The following GIT2 variants were observed in gnomAD, a reference collection of about 807,000 sequenced individuals.
GIT2 encodes ARF GTPase-activating protein GIT2.
A neutral mutation model predicts 100.3 loss-of-function variants in GIT2; 32 were observed. The observed-to-expected ratio is 0.32, with a 90% CI of 0.24 to 0.43. The LOEUF (loss-of-function observed/expected upper bound fraction) is 0.43. Ranked by LOEUF, GIT2 falls within the 20% of genes least tolerant of loss-of-function variation. GIT2 has a pLI of 1.00. For missense variants in GIT2, 737 were observed against 975.1 expected, an observed-to-expected ratio of 0.76 and a Z score of 3.25; for synonymous variants, 353 against 364.1, an observed-to-expected ratio of 0.97 and a Z score of 0.35.
chr12:109,954,750 T>C (rs904790165), intron 12 of GIT2, among the ~76,000 whole-genome samples: 2 of 151,752 alleles, frequency 1.3e-5, no homozygotes, highest in African/African-American at 4.8e-5. Context: ...AATACAAAAA[T>C]TAGCTGGGCG....
At chr12:109,939,126 G>A (rs1873869623) in intron 17 of GIT2, 39 bp downstream of exon 17, 2 of 1,266,126 alleles carry the variant, frequency 1.6e-6, no homozygotes, top group Non-Finnish European at 1.2e-6. Context: ...TCTGGCCCTG[G>A]GGAGCCCCTC....
chr12:109,965,087 T>G (rs3922879), intron 9 of GIT2, among the ~76,000 whole-genome samples: 43,350 of 151,680 alleles, frequency 0.29, 9,381 homozygotes, highest in African/African-American at 0.61. Flanking sequence ...GGGAAAGAGG[T>G]TTACAATATG....
Position 109,967,503 on chromosome 12 carries a change from T to C in GIT2, c.719A>G (p.Asp240Gly). Residue 240 changes from aspartate to glycine, a missense_variant and splice_region_variant, in exon 8 of 20, where the codon GAT (aspartate) becomes GGT (glycine). Transcript: ENST00000355312. ...LAFYLCGRKP[D>G]HKNGQHFIIP... ...TATAAAGTGCTGTCCATTTTTGTGA[T>C]CTGAAACAGAAACCAAGTCAAAGTT... The C allele has an allele frequency of 6.3e-7, 1 of 1,595,692 alleles. No homozygotes were observed. The highest frequency in any genetic ancestry group is 8.6e-7 in the Non-Finnish European group (1 of 1,163,330).
chr12:109,988,927 C>T (rs376353662), intron 4 of GIT2, 36 bp downstream of exon 4: 9 of 1,152,114 alleles, frequency 7.8e-6, no homozygotes, highest in African/African-American at 1.5e-5. Flanking sequence ...GCTGTCTCAG[C>T]CCGCTCTTTT....
At chr12:109,970,260 G>A (rs186030496) in intron 7 of GIT2, among the ~76,000 whole-genome samples, 5 of 152,202 alleles carry the variant, frequency 3.3e-5, no homozygotes, top group African/African-American at 7.2e-5. Flanking sequence ...TTGGGAGGCC[G>A]ATGCGGGCAG....
Position 109,980,496 on chromosome 12 carries a change from A to AT in GIT2, c.718+455dup, listed in dbSNP as rs1171735813. On this transcript the variant is annotated intron_variant, in intron 7 of 19. Transcript: ENST00000355312. The stretch of plus-strand genomic sequence containing the variant: ...TTTAATAAAACAAGTAACTGGCTAG[A>AT]TTTGGGCTACAAACCATGGTTTGCT... 3.9e-5 allele frequency among the ~76,000 whole-genome samples: 6 copies of AT among 152,324 alleles called. No individual in the cohort carries two copies. In the East Asian group the frequency reaches 1.2e-3, roughly 29 times the overall value.
At chr12:109,955,438 T>G (rs1879162488) in intron 12 of GIT2, among the ~76,000 whole-genome samples, 1 of 152,194 alleles carries the variant, frequency 6.6e-6, no homozygotes, top group Non-Finnish European at 1.5e-5. Context: ...TTGGTAGTTA[T>G]GTTCTAAAAA....
Position 109,933,971 on chromosome 12 carries a change from C to A in GIT2, c.2067+51G>T, listed in dbSNP as rs1872298057. On this transcript the variant is annotated intron_variant, in intron 19 of 19. Transcript: ENST00000355312. This position sits in a 1 kb window ranked among gnomAD's most constrained non-coding sequence, Gnocchi z 4.5. Reference sequence around the variant, plus strand: ...TAATATATAGGTCATAAAGAAATTTCTTGCTGTTCATTTAAAAGGATTTAA... The same window carrying A: ...TAATATATAGGTCATAAAGAAATTTATTGCTGTTCATTTAAAAGGATTTAA... 4 of 965,684 alleles carry A rather than the reference C, an allele frequency of 4.1e-6. No individual in the cohort carries two copies. The East Asian group carries it at 9.5e-5, about 23-fold the overall frequency. The allele number at this position is 965,684 out of a possible 1,614,324, so 59.8% of individuals were successfully genotyped here. A position where few individuals can be genotyped will look rare whatever the true frequency, so the allele number is the denominator to read the frequency against.
At chr12:109,952,373 G>A (rs1472510616) in intron 13 of GIT2, among the ~76,000 whole-genome samples, 2 of 151,940 alleles carry the variant, frequency 1.3e-5, no homozygotes, top group Non-Finnish European at 2.9e-5. Flanking sequence ...TCCTAGCATG[G>A]GTCCTTAGGT....
In GIT2 at chr12:109,948,787, T is replaced by G; in HGVS notation, c.1393-1283A>C. ...AATTTTTATTTAGAAAGCACCAATC[T>G]GTGAAAAATACACCAATAGTAGTTG... On this transcript the variant is annotated intron_variant, in intron 14 of 19. Coordinates refer to ENST00000355312, the MANE Select transcript of GIT2 (RefSeq NM_057169.5). The surrounding 1 kb of genome is among the most constrained non-coding windows in gnomAD (Gnocchi z 4.3). 2 of 1,591,776 alleles carry G rather than the reference T, an allele frequency of 1.3e-6. No individual in the cohort carries two copies. Among genetic ancestry groups the G allele is most frequent in the Non-Finnish European group, 8.5e-7 (1 of 1,173,126 alleles).
intron 14 of GIT2, among the ~76,000 whole-genome samples, chr12:109,949,955 T>C (rs1454106333): frequency 6.6e-6 from 1 of 152,212 alleles, no homozygotes; most frequent in Non-Finnish European, 1.5e-5. Flanking sequence ...TCTCGGTCTG[T>C]CTCGTTTACA....
chr12:109,930,950 C>A lies in GIT2; in HGVS notation c.*2028G>T, dbSNP rs1387260978. On this transcript the variant is annotated 3_prime_UTR_variant, in exon 20 of 20. Coordinates refer to ENST00000355312, the MANE Select transcript of GIT2 (RefSeq NM_057169.5). ...CTTCTAGAAGGCATCCCGGGAGCAT[C>A]CAACAGCAATGTGGCACTTAGGGCT... The A allele has an allele frequency of 1.3e-5, 2 of 152,184 alleles. No individual in the cohort carries two copies. Among genetic ancestry groups the A allele is most frequent in the Non-Finnish European group, 2.9e-5 (2 of 68,052 alleles). 9.4% of individuals were successfully genotyped at this position (152,184 alleles called of 1,614,324 possible). A position where few individuals can be genotyped will look rare whatever the true frequency, so the allele number is the denominator to read the frequency against.
rs772681163 is a variant in GIT2, at chr12:109,947,447, A to G, written c.1450T>C (p.Tyr484His). 2 of 1,613,488 alleles carry G rather than the reference A, an allele frequency of 1.2e-6. No individual in the cohort carries two copies. Among genetic ancestry groups the G allele is most frequent in the African/African-American group, 2.7e-5 (2 of 75,028 alleles). The change falls in exon 15 of 20, where the codon TAT becomes CAT. Residue 484 changes from tyrosine to histidine, a missense_variant. Tyr to His is a moderately conservative substitution (Grantham distance 83). This residue lies in a region of GIT2 where 451 missense variants were observed against 543.7 expected (regional missense o/e 0.83). Coordinates refer to ENST00000355312, the MANE Select transcript of GIT2 (RefSeq NM_057169.5). The surrounding 1 kb of genome is among the most constrained non-coding windows in gnomAD (Gnocchi z 4.3). ...TACTCAGAACCAGTTTGCACCTGAT[A>G]TACATTGGTTGTGGCCTGTTTCCTG... ...NLRKQATTNV[Y>H]QVQTGSEYTD...
chr12:109,932,980 A>G lies in GIT2; in HGVS notation c.2278T>C (p.Ter760ArgextTer11). The part of the protein sequence containing the change: ...VTITTKENNN[*>R] ...GAGGAGGCGGTGCCCTGCCCTTGTCAGTTGTTGTTCTCTTTGGTGGTGATG... is the reference window on the plus strand; with the variant it reads ...GAGGAGGCGGTGCCCTGCCCTTGTCGGTTGTTGTTCTCTTTGGTGGTGATG... Residue 760 changes from the stop codon to arginine, a stop_lost, in exon 20 of 20, where the codon TGA (stop) becomes CGA (arginine). Coordinates refer to ENST00000355312, the MANE Select transcript of GIT2 (RefSeq NM_057169.5). 1 of 1,590,066 alleles carries G rather than the reference A, an allele frequency of 6.3e-7. No homozygotes were observed. The highest frequency in any genetic ancestry group is 8.6e-7 in the Non-Finnish European group (1 of 1,158,672).
intron 1 of GIT2, among the ~76,000 whole-genome samples, chr12:109,995,727 C>T (rs1889235794): frequency 6.6e-6 from 1 of 152,212 alleles, no homozygotes; most frequent in Non-Finnish European, 1.5e-5. Flanking sequence ...CGGGGACCCT[C>T]TGGCGAGTCT....
At position 109,960,574 on chromosome 12, in the gene GIT2, C is replaced by G. The variant is rs185275082; in HGVS notation, c.988-616G>C. On this transcript the variant is annotated intron_variant, in intron 11 of 19. Transcript: ENST00000355312. ...CTAGCCTGGACAACAGAGCAAGACT[C>G]CGTCTCAAAAGAAAAAAAAAATTTA... Among the ~76,000 whole-genome samples, 251 of 152,182 alleles carry G rather than the reference C, an allele frequency of 1.6e-3. 1 individual carries two copies. Among genetic ancestry groups the G allele is most frequent in the Non-Finnish European group, 1.5e-3 (100 of 68,000 alleles).
chr12:109,961,798 C>T (rs944272100), intron 9 of GIT2, 113 bp from the exon 10 acceptor site: 6 of 718,862 alleles, frequency 8.3e-6, no homozygotes, highest in Middle Eastern at 2.3e-4. Context: ...AATGCCAGTG[C>T]TTGGTACATA....
chr12:109,944,203 G>A (rs554946133), intron 16 of GIT2, among the ~76,000 whole-genome samples: 2 of 152,214 alleles, frequency 1.3e-5, no homozygotes, highest in Admixed American at 1.3e-4. Flanking sequence ...ATAAAAAAAC[G>A]AATCCTGAAA....
At position 109,967,460 on chromosome 12, in the gene GIT2, G is replaced by C; in HGVS notation, c.762C>G (p.Asp254Glu). 6.3e-7 allele frequency: 1 copy of C among 1,593,062 alleles called. No homozygotes were observed. Among genetic ancestry groups the C allele is most frequent in the Non-Finnish European group, 8.6e-7 (1 of 1,160,948 alleles). Residue 254 changes from aspartate to glutamate, a missense_variant and splice_region_variant, in exon 8 of 20, where the codon GAC (aspartate) becomes GAG (glutamate). Around this residue, in one of 3 missense-constraint regions of GIT2, gnomAD observed 266 missense variants for 376.2 expected, o/e 0.71. Coordinates refer to ENST00000355312, the MANE Select transcript of GIT2 (RefSeq NM_057169.5). ...GQHFIIPQMADSSLDLSELAK... is the reference protein window; with the variant it reads ...GQHFIIPQMAESSLDLSELAK... ...AACTGGTATTTCAATGAGCTTACCTGTCTGCCATTTGAGGTATTATAAAGT... is the reference window on the plus strand; with the variant it reads ...AACTGGTATTTCAATGAGCTTACCTCTCTGCCATTTGAGGTATTATAAAGT...
Sources: gnomAD v4.1 joint callset for allele counts (sites outside exome capture counted in the v4.1 genomes callset) on GRCh38, gnomAD v4.1.1 for gene constraint, gnomAD v4.1.1 regional missense constraint, Gnocchi (gnomAD v3.1) non-coding constraint, MANE v1.5 for transcripts, NCBI Gene and HGNC (gene_info 2026-07-23, HGNC 2026-07-21) for gene names.